The following MGAM variants were observed in gnomAD, a reference collection of about 807,000 sequenced individuals.
MGAM encodes the protein alpha-1,4-glucosidase.
In MGAM, 253 loss-of-function variants were observed where a neutral mutation model predicts 358.8. The observed-to-expected ratio is 0.71, with a 90% confidence interval of 0.64 to 0.78. MGAM has a LOEUF of 0.78. Ranked by LOEUF, MGAM falls within the 30% of genes least tolerant of loss-of-function variation. The pLI, the probability that MGAM is intolerant of heterozygous loss-of-function variation, is 0.00. For missense variants in MGAM, 3,080 were observed against 3,432.6 expected (o/e 0.90, Z 2.57); for synonymous variants, 1,105 against 1,227.1 (o/e 0.90, Z 2.08).
chr7:142,059,378 T>C, intron 31 of MGAM, 94 bp from the exon 32 acceptor site: 1 of 1,524,698 alleles, frequency 6.6e-7, no homozygotes, highest in Non-Finnish European at 8.8e-7. Context: ...CAAGAAGCTG[T>C]CTGGAATTCC....
chr7:142,091,771 G>A, intron 57 of MGAM, 142 bp from the exon 58 acceptor site: 1 of 909,336 alleles, frequency 1.1e-6, no homozygotes, highest in Non-Finnish European at 1.6e-6. Context: ...TCTCTAATAA[G>A]TTAATAACAT....
At position 142,029,577 on chromosome 7, in the gene MGAM, G is replaced by T. The variant is rs183044224; in HGVS notation, c.1222-785G>T. On this transcript the variant is annotated intron_variant, in intron 10 of 70. Coordinates refer to ENST00000475668, the MANE Select transcript of MGAM (RefSeq NM_001365693.1). Reference sequence around the variant, plus strand: ...GCCTAGTGGTGTGAGATGTGAGAGGGAGTGTTTAGACAGGGAATTGAACAC... The same window carrying T: ...GCCTAGTGGTGTGAGATGTGAGAGGTAGTGTTTAGACAGGGAATTGAACAC... Among the ~76,000 whole-genome samples, 941 of 152,268 alleles carry T rather than the reference G, an allele frequency of 6.2e-3. 7 individuals are homozygous for T. Among genetic ancestry groups the T allele is most frequent in the Middle Eastern group, 0.017 (5 of 294 alleles).
Position 142,027,269 on chromosome 7 carries a change from A to G in MGAM, c.1095+42A>G, listed in dbSNP as rs369001259. The G allele has an allele frequency of 1.4e-5, 20 of 1,457,146 alleles. No individual in the cohort carries two copies. The East Asian group carries it at 1.6e-4, about 12-fold the overall frequency. The allele number at this position is 1,457,146 out of a possible 1,614,324, so 90.3% of individuals were successfully genotyped here. A position where few individuals can be genotyped will look rare whatever the true frequency, so the allele number is the denominator to read the frequency against. On this transcript the variant is annotated intron_variant, in intron 9 of 70. Transcript: ENST00000475668. ...AAGATTATGACTCAGGAAATCCTAA[A>G]CAGCAAATATTTTAAAAAAGTAAAA... is the stretch of plus-strand genomic sequence containing the variant.
At chr7:142,057,422 G>A (rs574701561) in intron 30 of MGAM, among the ~76,000 whole-genome samples, 1 of 150,342 alleles carries the variant, frequency 6.7e-6, no homozygotes, top group South Asian at 2.1e-4. Context: ...GATGATGATG[G>A]TGGTGTTGGT....
At chr7:142,019,050 G>A (rs571233874) in intron 3 of MGAM, 149 bp from the exon 4 acceptor site, 4 of 975,954 alleles carry the variant, frequency 4.1e-6, no homozygotes, top group East Asian at 2.8e-5. Context: ...GCCATTGCTT[G>A]GTATATGGCA....
intron 21 of MGAM, among the ~76,000 whole-genome samples, chr7:142,042,181 ATAT>A (rs1466193691): frequency 0.017 from 13 of 752 alleles, 1 homozygote; most frequent in Admixed American, 0.062. Flanking sequence ...AATATATAAC[ATAT>A]TATATATACA....
At chr7:142,052,548 G>T in intron 25 of MGAM, 102 bp downstream of exon 25, 2 of 1,475,428 alleles carry the variant, frequency 1.4e-6, no homozygotes, top group Non-Finnish European at 1.8e-6. Flanking sequence ...AAAATCCATA[G>T]AAAGAACTTC....
intron 10 of MGAM, among the ~76,000 whole-genome samples, chr7:142,029,543 G>A (rs62477565): frequency 0.54 from 81,321 of 151,944 alleles, 22,169 homozygotes; most frequent in East Asian, 0.79. Context: ...GAATTGGACT[G>A]TTACTGCTGC....
chr7:142,034,191 G>A (rs923470462), intron 14 of MGAM, 71 bp from the exon 15 acceptor site: 22 of 960,466 alleles, frequency 2.3e-5, no homozygotes, highest in East Asian at 1.8e-4. Flanking sequence ...CTGTCATTTC[G>A]GATTGTGATA....
chr7:141,995,175 A>T (rs1804136169), upstream of MGAM, among the ~76,000 whole-genome samples: 1 of 151,994 alleles, frequency 6.6e-6, no homozygotes, highest in South Asian at 2.1e-4. Flanking sequence ...CTTGACTCCA[A>T]GTTTAACTAT....
chr7:142,004,093 A>G (rs1178138656), intron 1 of MGAM, among the ~76,000 whole-genome samples: 1 of 152,030 alleles, frequency 6.6e-6, no homozygotes, highest in Non-Finnish European at 1.5e-5. Context: ...AGTTTTAGTG[A>G]GGATGTAAAT....
intron 34 of MGAM, 54 bp downstream of exon 34, chr7:142,060,427 CTG>C: frequency 1.3e-6 from 2 of 1,586,922 alleles, no homozygotes; most frequent in Non-Finnish European, 1.7e-6. Context: ...GCAGGGGCAG[CTG>C]TTCCTGGGAT....
At chr7:142,071,662 T>A (rs1425323749) in intron 44 of MGAM, among the ~76,000 whole-genome samples, 2 of 145,896 alleles carry the variant, frequency 1.4e-5, no homozygotes, top group African/African-American at 2.4e-5. Context: ...CATGTTTCTT[T>A]ACTCTTGAAT....
At chr7:142,039,882 A>G (rs140298068) in intron 19 of MGAM, among the ~76,000 whole-genome samples, 3 of 152,300 alleles carry the variant, frequency 2.0e-5, no homozygotes, top group African/African-American at 7.2e-5. Flanking sequence ...TTGTCACCAC[A>G]CATGTTTTAT....
At chr7:142,029,822 A>G (rs782504459) in intron 10 of MGAM, among the ~76,000 whole-genome samples, 49 of 152,258 alleles carry the variant, frequency 3.2e-4, no homozygotes, top group African/African-American at 1.2e-3. Flanking sequence ...ACTCTATTCC[A>G]TTGGAGACAA....
chr7:142,011,478 G>C (rs1249170457), intron 3 of MGAM, among the ~76,000 whole-genome samples: 1 of 151,414 alleles, frequency 6.6e-6, no homozygotes, highest in Non-Finnish European at 1.5e-5. Flanking sequence ...AGTCTTAAAA[G>C]ACTTAAGTTT....
chr7:142,042,529 A>ATATATATAATATATATTATATATACATAT (rs1181001891), intron 21 of MGAM, among the ~76,000 whole-genome samples: 2 of 1,686 alleles, frequency 1.2e-3, no homozygotes, highest in African/African-American at 4.6e-3. Flanking sequence ...TATACATATT[A>ATATATATAATATATATTATATATACATAT]TATATATAAT....
intron 35 of MGAM, among the ~76,000 whole-genome samples, 154 bp downstream of exon 35, chr7:142,062,856 C>T (rs1812351291): frequency 6.6e-6 from 1 of 152,102 alleles, no homozygotes; most frequent in Non-Finnish European, 1.5e-5. Flanking sequence ...GAGGAACTGC[C>T]CTGGTAGCCC....
intron 21 of MGAM, among the ~76,000 whole-genome samples, chr7:142,045,548 CA>C (rs1337462186): frequency 1.3e-5 from 1 of 74,916 alleles, no homozygotes; most frequent in Non-Finnish European, 2.3e-5. Context: ...ATTATATATA[CA>C]TACAATATAT....
Sources: gnomAD v4.1 joint callset for allele counts (sites outside exome capture counted in the v4.1 genomes callset) on GRCh38, gnomAD v4.1.1 for gene constraint, MANE v1.5 for transcripts, NCBI Gene and HGNC (gene_info 2026-07-23, HGNC 2026-07-21) for gene names.